The following FAS variants were observed in gnomAD, a reference collection of about 807,000 sequenced individuals.
FAS encodes tumor necrosis factor receptor superfamily member 6.
In FAS, 5 loss-of-function variants were observed where a neutral mutation model predicts 33.2. The ratio of observed to expected loss-of-function variants is 0.15; its 90% CI spans 0.08 to 0.32. FAS has a LOEUF of 0.32. Ranked by LOEUF, FAS falls within the 10% of genes least tolerant of loss-of-function variation. The probability of loss-of-function intolerance (pLI) is 1.00; values close to 1 mark genes in which losing one functional copy is unlikely to be tolerated. For missense variants in FAS, 339 were observed against 386.0 expected (o/e 0.88, Z 1.02); for synonymous variants, 131 against 130.7 (o/e 1.00, Z -0.01).
intron 2 of FAS, among the ~76,000 whole-genome samples, chr10:88,975,963 T>C (rs1846552702): frequency 6.6e-6 from 1 of 152,218 alleles, no homozygotes; most frequent in East Asian, 1.9e-4. Flanking sequence ...AAATTAATTG[T>C]CACCAAAATC....
intron 1 of FAS, among the ~76,000 whole-genome samples, chr10:89,001,123 T>C (rs1847903250): frequency 6.6e-6 from 1 of 152,178 alleles, no homozygotes; most frequent in African/African-American, 2.4e-5. Context: ...CTCTAAAGCT[T>C]GCTTTTGTCT....
rs553988617 is a variant in FAS at position 88,994,180 on chromosome 10, A to G, written c.30+3274A>G. On this transcript the variant is annotated intron_variant, in intron 1 of 8. Coordinates refer to ENST00000652046, the MANE Select transcript of FAS (RefSeq NM_000043.6). ...ACATAGGAGAAGTGTCAGTGTTTCA[A>G]AGGAATCTCTTTGAAGGCTACTACA... 1.4e-4 allele frequency among the ~76,000 whole-genome samples: 21 copies of G among 152,294 alleles called. No individual in the cohort carries two copies. In the South Asian group the frequency reaches 3.1e-3, roughly 23 times the overall value.
intron 4 of FAS, among the ~76,000 whole-genome samples, chr10:89,009,707 G>A (rs3781202): frequency 0.41 from 61,843 of 151,726 alleles, 12,631 homozygotes; most frequent in East Asian, 0.5. Context: ...TTATTTGCTA[G>A]GAAAATTTTA....
chr10:88,990,833 G>A lies in FAS; in HGVS notation c.-44G>A. The A allele has an allele frequency of 3.1e-6, 5 of 1,614,100 alleles. No individual in the cohort carries two copies. Among genetic ancestry groups the A allele is most frequent in the Non-Finnish European group, 4.2e-6 (5 of 1,179,940 alleles). ...GCGGGTTGGTGGACCCGCTCAGTAC[G>A]GAGTTGGGGAAGCTCTTTCACTTCG... On this transcript the variant is annotated 5_prime_UTR_variant, in exon 1 of 9. Transcript: ENST00000652046. This position sits in a 1 kb window ranked among gnomAD's most constrained non-coding sequence, Gnocchi z 4.9.
intron 1 of FAS, among the ~76,000 whole-genome samples, chr10:88,970,989 C>T (rs1264908620): frequency 3.9e-5 from 6 of 152,114 alleles, no homozygotes; most frequent in African/African-American, 9.7e-5. Flanking sequence ...CAGATTCCTC[C>T]GCCCAAAGGC....
At chr10:89,001,978 C>T (rs966124289) in intron 1 of FAS, among the ~76,000 whole-genome samples, 2 of 152,100 alleles carry the variant, frequency 1.3e-5, no homozygotes, top group African/African-American at 4.8e-5. Flanking sequence ...GCAGGGCTGG[C>T]AAGTTTTGCC....
At chr10:88,990,142 TCCCTTTTCAGA>T (rs1847076206), upstream of FAS, among the ~76,000 whole-genome samples, 2 of 152,238 alleles carry the variant, frequency 1.3e-5, no homozygotes, top group African/African-American at 4.8e-5. This position sits in a 1 kb window ranked among gnomAD's most constrained non-coding sequence, Gnocchi z 4.9. Context: ...TAAGGGGCCC[TCCCTTTTCAGA>T]GCCCTATGGC....
chr10:89,013,505 C>T (rs1848633016), intron 8 of FAS, 138 bp downstream of exon 8: 1 of 821,992 alleles, frequency 1.2e-6, no homozygotes, highest in Non-Finnish European at 2.0e-6. Flanking sequence ...ACCTGCTCAG[C>T]ATAAAGCATT....
At chr10:88,972,163 T>C (rs188042252) in intron 1 of FAS, among the ~76,000 whole-genome samples, 549 of 152,286 alleles carry the variant, frequency 3.6e-3, no homozygotes, top group African/African-American at 0.013. Context: ...CGCCTCAGCC[T>C]CCCAAAGTGC....
At chr10:88,970,133 C>G (rs1846399271) in intron 1 of FAS, among the ~76,000 whole-genome samples, 1 of 152,118 alleles carries the variant, frequency 6.6e-6, no homozygotes, top group African/African-American at 2.4e-5. Context: ...TGTTAAAATT[C>G]AGGATATGAT....
At chr10:88,970,437 C>T (rs867614554) in intron 1 of FAS, among the ~76,000 whole-genome samples, 1 of 152,112 alleles carries the variant, frequency 6.6e-6, no homozygotes, top group Non-Finnish European at 1.5e-5. Context: ...GCTTAGGCCC[C>T]TGCTTGTTGA....
At chr10:88,998,337 TA>T (rs1372581992) in intron 1 of FAS, among the ~76,000 whole-genome samples, 1 of 98,692 alleles carries the variant, frequency 1.0e-5, no homozygotes, top group South Asian at 4.1e-4. Flanking sequence ...TAGCTTTAGT[TA>T]AAAAAAAGCA....
At chr10:88,973,189 A>T in exon 2 of FAS, 2 of 1,612,064 alleles carry the variant, frequency 1.2e-6, no homozygotes, top group East Asian at 4.5e-5. Flanking sequence ...TAGATTCAGA[A>T]ATTCCTTTCT....
At chr10:88,979,258 A>G (rs1846650289) in intron 2 of FAS, among the ~76,000 whole-genome samples, 1 of 151,800 alleles carries the variant, frequency 6.6e-6, no homozygotes, top group South Asian at 2.1e-4. Context: ...TACTGAGACA[A>G]AAAAGCAGAA....
chr10:89,014,476 G>A lies in FAS; in HGVS notation c.*26G>A. The A allele has an allele frequency of 6.3e-7, 1 of 1,592,316 alleles. No homozygotes were observed. Among genetic ancestry groups the A allele is most frequent in the Non-Finnish European group, 8.5e-7 (1 of 1,170,238 alleles). The stretch of plus-strand genomic sequence containing the variant: ...AGTGAAAAACAACAAATTCAGTTCT[G>A]AGTATATGCAATTAGTGTTTGAAAA... On this transcript the variant is annotated 3_prime_UTR_variant, in exon 9 of 9. Coordinates refer to ENST00000652046, the MANE Select transcript of FAS (RefSeq NM_000043.6).
At chr10:89,004,353 T>A (rs529214352) in intron 2 of FAS, among the ~76,000 whole-genome samples, 11 of 152,028 alleles carry the variant, frequency 7.2e-5, no homozygotes, top group East Asian at 5.8e-4. Flanking sequence ...TGAAAAAAAA[T>A]TTTTTTTAAC....
At chr10:89,002,276 C>T (rs1029483680) in intron 1 of FAS, among the ~76,000 whole-genome samples, 2 of 152,198 alleles carry the variant, frequency 1.3e-5, no homozygotes, top group African/African-American at 2.4e-5. Context: ...TCTTGTTAGC[C>T]ACTCTTAACT....
At chr10:88,997,185 A>G (rs966353497) in intron 1 of FAS, among the ~76,000 whole-genome samples, 1 of 152,310 alleles carries the variant, frequency 6.6e-6, no homozygotes, top group Admixed American at 6.5e-5. Context: ...ATGAACCTCA[A>G]AATCACCAAG....
rs1330397439 is a variant in FAS, at chr10:89,014,340, A to C, written c.898A>C (p.Lys300Gln). The change falls in exon 9 of 9, where the codon AAA becomes CAA. Residue 300 changes from lysine to glutamine, a missense_variant. By Grantham distance (53) the Lys-to-Gln change is moderately conservative. Coordinates refer to ENST00000652046, the MANE Select transcript of FAS (RefSeq NM_000043.6). ...AYDTLIKDLK[K>Q]ANLCTLAEKI... is the part of the protein sequence containing the mutation. ...TGACACATTGATTAAAGATCTCAAA[A>C]AAGCCAATCTTTGTACTCTTGCAGA... The C allele has an allele frequency of 1.2e-6, 2 of 1,613,970 alleles. No individual in the cohort carries two copies. Among genetic ancestry groups the C allele is most frequent in the Non-Finnish European group, 1.7e-6 (2 of 1,179,938 alleles).
Sources: gnomAD v4.1 joint callset for allele counts (sites outside exome capture counted in the v4.1 genomes callset) on GRCh38, gnomAD v4.1.1 for gene constraint, Gnocchi (gnomAD v3.1) non-coding constraint, MANE v1.5 for transcripts, NCBI Gene and HGNC (gene_info 2026-07-23, HGNC 2026-07-21) for gene names.